Variants in SAXO1 observed in about 807,000 individuals in gnomAD.
SAXO1 encodes 4930500O09Rik.
Under a neutral mutation model 17.5 loss-of-function variants are expected in SAXO1, and 21 were observed. The ratio of observed to expected loss-of-function variants is 1.20; its 90% CI spans 0.85 to 1.72. SAXO1 has a LOEUF of 1.72. SAXO1 is among the 40% of genes most tolerant of loss of function. The pLI is 0.00. For synonymous variants in SAXO1, 274 were observed against 216.5 expected (o/e 1.27, Z -2.33); for missense variants, 843 against 596.0 (o/e 1.41, Z -4.32).
At chr9:18,937,137 A>C (rs2131686225) in intron 3 of SAXO1, among the ~76,000 whole-genome samples, 2 of 152,348 alleles carry the variant, frequency 1.3e-5, no homozygotes, top group Middle Eastern at 3.4e-3. Flanking sequence ...CAAGACACAA[A>C]CATGTCACCC....
chr9:18,928,916 G>T lies in SAXO1; in HGVS notation c.561C>A (p.Ser187Arg), dbSNP rs368266414. 6.2e-7 allele frequency: 1 copy of T among 1,614,224 alleles called. No homozygotes were observed. Among genetic ancestry groups the T allele is most frequent in the South Asian group, 1.1e-5 (1 of 91,076 alleles). ...GCTTTGGCATGGCCAGAGGTTTACA[G>T]CTTATGGTCTTCACAAGGCCTTTTA... Reference protein sequence around the residue: ...YPIKGLVKTISCKPLAMPKLC... With the variant: ...YPIKGLVKTIRCKPLAMPKLC... Residue 187 changes from serine (S) to arginine (R), a missense_variant, in exon 4 of 4, where the codon AGC becomes AGA. Transcript: ENST00000380534.
intron 1 of SAXO1, among the ~76,000 whole-genome samples, chr9:18,974,991 G>C (rs1833081428): frequency 6.6e-6 from 1 of 152,194 alleles, no homozygotes; most frequent in African/African-American, 2.4e-5. Context: ...TCTCAACCTT[G>C]ACCATATGAT....
rs1211500610 is a variant in SAXO1, at chr9:18,950,958, G to A, written c.39-21C>T. The A allele has an allele frequency of 4.4e-6, 7 of 1,594,988 alleles. No homozygotes were observed. In the South Asian group the frequency reaches 5.6e-5, roughly 13 times the overall value. On this transcript the variant is annotated intron_variant, in intron 1 of 3. Coordinates refer to ENST00000380534, the MANE Select transcript of SAXO1 (RefSeq NM_153707.4). ...GCCGCCTATAAAAGACACAGAGTTA[G>A]GTTGATTACCTTCTTGGGAGAAAAA...
chr9:18,969,388 A>AT (rs1832860778), intron 1 of SAXO1, among the ~76,000 whole-genome samples: 2 of 152,188 alleles, frequency 1.3e-5, no homozygotes, highest in Admixed American at 6.5e-5. Flanking sequence ...GACCCTGTGA[A>AT]TTTCGGATGA....
intron 1 of SAXO1, among the ~76,000 whole-genome samples, chr9:19,020,150 C>T (rs543901459): frequency 6.6e-6 from 1 of 152,232 alleles, no homozygotes; most frequent in East Asian, 1.9e-4. Flanking sequence ...TTCACAGCCA[C>T]ATCATACCCT....
At chr9:18,985,981 TAGAGACAGTA>T (rs932142713) in intron 1 of SAXO1, among the ~76,000 whole-genome samples, 11 of 152,204 alleles carry the variant, frequency 7.2e-5, no homozygotes, top group African/African-American at 2.7e-4. Flanking sequence ...AATTACTCCC[TAGAGACAGTA>T]ATCAAAGCAC....
chr9:19,032,999 A>G lies in SAXO1; in HGVS notation c.-91T>C. On this transcript the variant is annotated 5_prime_UTR_variant, in exon 1 of 4. Coordinates refer to ENST00000380534, the MANE Select transcript of SAXO1 (RefSeq NM_153707.4). The stretch of plus-strand genomic sequence containing the variant: ...CAACCACCTGTCTTGGGGCACGCCC[A>G]GGCTCGAGGGTCTTGGCAGGTGTTC... 7.3e-7 allele frequency: 1 copy of G among 1,368,438 alleles called. No homozygotes were observed. Among genetic ancestry groups the G allele is most frequent in the Non-Finnish European group, 9.8e-7 (1 of 1,017,634 alleles). The allele number at this position is 1,368,438 out of a possible 1,614,324, so 84.8% of individuals were successfully genotyped here. A position where few individuals can be genotyped will look rare whatever the true frequency, so the allele number is the denominator to read the frequency against.
intron 1 of SAXO1, among the ~76,000 whole-genome samples, chr9:19,009,147 A>C (rs2130982741): frequency 6.6e-6 from 1 of 152,316 alleles, no homozygotes; most frequent in Non-Finnish European, 1.5e-5. Context: ...CCCTGTGTTC[A>C]TGGAATAAAA....
At chr9:19,027,175 T>C (rs1443437811) in intron 1 of SAXO1, 7 of 1,201,548 alleles carry the variant, frequency 5.8e-6, no homozygotes, top group Admixed American at 1.7e-5. Flanking sequence ...GGTCCAAATA[T>C]TGACCTGGAC....
intron 1 of SAXO1, among the ~76,000 whole-genome samples, chr9:18,998,196 C>A (rs1036894296): frequency 2.0e-5 from 3 of 151,976 alleles, no homozygotes; most frequent in South Asian, 2.1e-4. Flanking sequence ...TAAACCATCA[C>A]AAGGAAGCTA....
At chr9:18,991,556 G>C (rs537492413) in intron 1 of SAXO1, among the ~76,000 whole-genome samples, 1 of 152,126 alleles carries the variant, frequency 6.6e-6, no homozygotes. Context: ...TCACACCCTG[G>C]GGCTTGTCGC....
At chr9:18,991,068 G>C (rs999954571) in intron 1 of SAXO1, among the ~76,000 whole-genome samples, 3 of 152,138 alleles carry the variant, frequency 2.0e-5, no homozygotes, top group African/African-American at 7.2e-5. Flanking sequence ...GACCAGCCTG[G>C]CCAACATAGT....
intron 1 of SAXO1, among the ~76,000 whole-genome samples, chr9:18,989,931 T>C (rs1334226902): frequency 6.6e-6 from 1 of 152,108 alleles, no homozygotes; most frequent in Non-Finnish European, 1.5e-5. Flanking sequence ...AAGGAATTAA[T>C]TTTTTTTGAA....
intron 1 of SAXO1, among the ~76,000 whole-genome samples, chr9:18,965,450 T>C (rs548243971): frequency 2.6e-5 from 4 of 152,336 alleles, no homozygotes; most frequent in African/African-American, 7.2e-5. Context: ...TGGGTGCATA[T>C]ATATTTAGGA....
intron 1 of SAXO1, among the ~76,000 whole-genome samples, chr9:19,046,625 C>T (rs10963929): frequency 6.6e-6 from 1 of 151,932 alleles, no homozygotes; most frequent in Non-Finnish European, 1.5e-5. Context: ...TCGCTTGAAC[C>T]CGGCAGGCAG....
intron 3 of SAXO1, among the ~76,000 whole-genome samples, chr9:18,937,198 G>C (rs181812323): frequency 8.6e-4 from 131 of 152,304 alleles, no homozygotes; most frequent in Admixed American, 2.4e-3. Flanking sequence ...AAATGCATGG[G>C]GTTATTAAGG....
chr9:18,974,880 A>G (rs573492329), intron 1 of SAXO1, among the ~76,000 whole-genome samples: 1 of 152,336 alleles, frequency 6.6e-6, no homozygotes, highest in African/African-American at 2.4e-5. Context: ...TGATAGGCAA[A>G]GTTTTGATAA....
intron 3 of SAXO1, among the ~76,000 whole-genome samples, chr9:18,929,966 T>A (rs1830967142): frequency 6.6e-6 from 1 of 152,252 alleles, no homozygotes; most frequent in Non-Finnish European, 1.5e-5. Flanking sequence ...TAACCCTTTG[T>A]GATGGGTATG....
At chr9:19,027,319 C>A in intron 1 of SAXO1, 1 of 810,506 alleles carries the variant, frequency 1.2e-6, no homozygotes, top group Non-Finnish European at 2.2e-6. Context: ...GACTCCTATC[C>A]AATCCTGGAG....
Sources: gnomAD v4.1 joint callset for allele counts (sites outside exome capture counted in the v4.1 genomes callset) on GRCh38, gnomAD v4.1.1 for gene constraint, MANE v1.5 for transcripts, NCBI Gene and HGNC (gene_info 2026-07-23, HGNC 2026-07-21) for gene names.